The following RYR2 variants were observed in gnomAD, a reference collection of about 807,000 sequenced individuals.
The protein encoded by RYR2 is cardiac muscle ryanodine receptor-calcium release channel.
In RYR2, 227 loss-of-function variants were observed where a neutral mutation model predicts 601.1. That is an observed-to-expected ratio of 0.38 (90% CI 0.34 to 0.42). The LOEUF is 0.42. Among genes scored for constraint, RYR2 ranks in the 10% least tolerant of loss-of-function variants. The pLI, the probability that RYR2 is intolerant of heterozygous loss-of-function variation, is 1.00. For missense variants in RYR2, 4,646 were observed against 6,156.5 expected, an observed-to-expected ratio of 0.75 and a Z score of 8.21; for synonymous variants, 2,223 against 2,175.1, an observed-to-expected ratio of 1.02 and a Z score of -0.61.
chr1:237,655,009 A>G (rs1197413426), intron 52 of RYR2, among the ~76,000 whole-genome samples: 1 of 152,246 alleles, frequency 6.6e-6, no homozygotes, highest in African/African-American at 2.4e-5. Flanking sequence ...AATCAAAATT[A>G]GTTTCAATTC....
chr1:237,186,390 A>C (rs1299793492), intron 1 of RYR2, among the ~76,000 whole-genome samples: 1 of 152,148 alleles, frequency 6.6e-6, no homozygotes, highest in Non-Finnish European at 1.5e-5. Context: ...TTAGTACAAT[A>C]ATGAGAAATC....
chr1:237,580,220 A>G lies in RYR2; in HGVS notation c.3599-9573A>G, dbSNP rs1047097183. On this transcript the variant is annotated intron_variant, in intron 29 of 104. Coordinates refer to ENST00000366574, the MANE Select transcript of RYR2 (RefSeq NM_001035.3). ...GCCCAGGCTTGAGTGCAATGGTGTG[A>G]TCGCAGCTCACTGGAACCTCCACCT... Among the ~76,000 whole-genome samples the G allele has an allele frequency of 5.7e-5, 8 of 140,002 alleles. No homozygotes were observed. The Admixed American group carries it at 6.1e-4, about 11-fold the overall frequency. The allele number at this position is 140,002 out of a possible 152,430, so 91.8% of individuals were successfully genotyped here. A position where few individuals can be genotyped will look rare whatever the true frequency, so the allele number is the denominator to read the frequency against.
chr1:237,462,307 C>G (rs1188399817), intron 16 of RYR2, among the ~76,000 whole-genome samples: 1 of 152,100 alleles, frequency 6.6e-6, no homozygotes, highest in Non-Finnish European at 1.5e-5. Flanking sequence ...GAATAAGAAT[C>G]TATAACAATT....
rs752655186 is a variant in RYR2 at position 237,717,152 on chromosome 1, G to T, written c.10324-46G>T. ...GGGAAGAGTCATAGTGGTTCTACAT[G>T]TGAGAAAAGCAGGTTCAGATCCCAG... On this transcript the variant is annotated intron_variant, in intron 71 of 104. Transcript: ENST00000366574. The T allele has an allele frequency of 2.5e-6, 4 of 1,575,228 alleles. No individual in the cohort carries two copies. In the African/African-American group the frequency reaches 5.4e-5, roughly 21 times the overall value.
At chr1:237,575,860 G>A (rs372380773) in intron 29 of RYR2, among the ~76,000 whole-genome samples, 1 of 152,064 alleles carries the variant, frequency 6.6e-6, no homozygotes, top group African/African-American at 2.4e-5. Context: ...ATCATCATTC[G>A]AAGACAATAT....
At chr1:237,777,942 GT>G (rs892833774) in intron 87 of RYR2, among the ~76,000 whole-genome samples, 2 of 152,134 alleles carry the variant, frequency 1.3e-5, no homozygotes, top group African/African-American at 4.8e-5. Flanking sequence ...TTTCTGACTG[GT>G]GAACTCTCTA....
chr1:237,710,568 A>G (rs1459409916), intron 70 of RYR2, among the ~76,000 whole-genome samples: 2 of 152,196 alleles, frequency 1.3e-5, no homozygotes, highest in African/African-American at 2.4e-5. Context: ...TTAACATGCA[A>G]CTTTGTATCT....
At chr1:237,687,530 A>G (rs775667341) in intron 63 of RYR2, 26 bp downstream of exon 63, 8 of 1,578,588 alleles carry the variant, frequency 5.1e-6, no homozygotes, top group Non-Finnish European at 6.1e-6. Flanking sequence ...AAAAAATACA[A>G]GCATGGCCAT....
At chr1:237,814,691 A>G (rs1462290015) in intron 100 of RYR2, among the ~76,000 whole-genome samples, 2 of 152,146 alleles carry the variant, frequency 1.3e-5, no homozygotes, top group Non-Finnish European at 2.9e-5. Flanking sequence ...CAAGGTAGAA[A>G]GATGATTGTG....
chr1:237,254,989 C>G (rs1687814987), intron 1 of RYR2, among the ~76,000 whole-genome samples: 1 of 152,110 alleles, frequency 6.6e-6, no homozygotes, highest in Admixed American at 6.6e-5. Flanking sequence ...CTTTAACAGC[C>G]ATTTCTTTGG....
chr1:237,780,203 A>G (rs960437142), intron 88 of RYR2, among the ~76,000 whole-genome samples: 6 of 152,196 alleles, frequency 3.9e-5, no homozygotes, highest in Non-Finnish European at 8.8e-5. Flanking sequence ...GAGGTACCTG[A>G]CTAGAGTTTG....
intron 4 of RYR2, among the ~76,000 whole-genome samples, chr1:237,359,938 A>G (rs562383397): frequency 5.3e-5 from 8 of 152,344 alleles, no homozygotes; most frequent in Admixed American, 1.3e-4. Flanking sequence ...AAGCAAAAGG[A>G]TGAAATAGAC....
In RYR2 at chr1:237,698,104, TAGTGTGTGTG is replaced by T. The variant is rs975232922; in HGVS notation, c.9068-860_9068-851del. ...GTCAATCTCAGGACCCAGGAGATGA[TAGTGTGTGTG>T]TGTGTGTGTGTGTGTGTGTGTGTGT... is the stretch of plus-strand genomic sequence containing the variant. On this transcript the variant is annotated intron_variant, in intron 63 of 104. Transcript: ENST00000366574. Among the ~76,000 whole-genome samples, 9 of 99,776 alleles carry T rather than the reference TAGTGTGTGTG, an allele frequency of 9.0e-5. No homozygotes were observed. In the South Asian group the frequency reaches 1.3e-3, roughly 15 times the overall value. 65.5% of individuals were successfully genotyped at this position (99,776 alleles called of 152,430 possible).
intron 3 of RYR2, among the ~76,000 whole-genome samples, chr1:237,337,800 AAC>A (rs1270426050): frequency 6.6e-6 from 1 of 152,108 alleles, no homozygotes; most frequent in Non-Finnish European, 1.5e-5. Context: ...ACAATAATAA[AAC>A]CTTCAATTAC....
At chr1:237,685,239 CT>C (rs1686278446) in intron 62 of RYR2, among the ~76,000 whole-genome samples, 1 of 151,984 alleles carries the variant, frequency 6.6e-6, no homozygotes, top group South Asian at 2.1e-4. Context: ...ATAATTAATC[CT>C]TATAGTTTCT....
intron 25 of RYR2, among the ~76,000 whole-genome samples, chr1:237,542,535 C>T (rs531422539): frequency 4.6e-5 from 7 of 152,236 alleles, no homozygotes; most frequent in African/African-American, 1.4e-4. Context: ...TTGCTGTCTT[C>T]GACTGAATTG....
At chr1:237,188,766 A>G (rs2148988129) in intron 1 of RYR2, among the ~76,000 whole-genome samples, 1 of 152,284 alleles carries the variant, frequency 6.6e-6, no homozygotes, top group East Asian at 1.9e-4. Context: ...GGGTTTCACC[A>G]ACATGGATTC....
intron 36 of RYR2, among the ~76,000 whole-genome samples, 186 bp from the exon 37 acceptor site, chr1:237,613,853 T>C (rs1452961421): frequency 6.6e-6 from 1 of 152,202 alleles, no homozygotes; most frequent in East Asian, 1.9e-4. Context: ...TTTCAAAGTC[T>C]GAATAAAGTC....
chr1:237,693,993 CAT>C (rs1687177603), intron 63 of RYR2, among the ~76,000 whole-genome samples: 1 of 152,076 alleles, frequency 6.6e-6, no homozygotes, highest in African/African-American at 2.4e-5. Flanking sequence ...TGGTAGGACA[CAT>C]ATAATAAAAG....
Sources: gnomAD v4.1 joint callset for allele counts (sites outside exome capture counted in the v4.1 genomes callset) on GRCh38, gnomAD v4.1.1 for gene constraint, MANE v1.5 for transcripts, NCBI Gene and HGNC (gene_info 2026-07-23, HGNC 2026-07-21) for gene names.